Variants in LIMK2 observed in about 807,000 individuals in gnomAD.
LIMK2 encodes the protein LIM domain kinase 2.
LIMK2 carries 35 observed loss-of-function variants against 75.7 expected under a neutral mutation model. The ratio of observed to expected loss-of-function variants is 0.46; its 90% CI spans 0.35 to 0.61. The LOEUF is 0.61. LIMK2 is among the 20% of genes least tolerant of loss of function. The pLI, the probability that LIMK2 is intolerant of heterozygous loss-of-function variation, is 0.00. For synonymous variants in LIMK2, 301 were observed against 319.2 expected (o/e 0.94, Z 0.61); for missense variants, 623 against 831.0 (o/e 0.75, Z 3.08).
intron 2 of LIMK2, among the ~76,000 whole-genome samples, chr22:31,244,391 C>G (rs2048648528): frequency 6.6e-6 from 1 of 152,154 alleles, no homozygotes; most frequent in Admixed American, 6.5e-5. Flanking sequence ...TACAGGGGAA[C>G]ATAATAGATT....
At position 31,266,092 on chromosome 22, in the gene LIMK2, G is replaced by C; in HGVS notation, c.1001G>C (p.Gly334Ala). Residue 334 changes from glycine (G) to alanine (A), a missense_variant, in exon 8 of 16, where the codon GGG becomes GCG. Physicochemically the swap from Gly to Ala is moderately conservative, Grantham distance 60 (BLOSUM62 0). This residue lies in a region of LIMK2 where 514 missense variants were observed against 661.3 expected (regional missense o/e 0.78). Coordinates refer to ENST00000331728, the MANE Select transcript of LIMK2 (RefSeq NM_005569.4). ...QIFRPCDLIH[G>A]EVLGKGFFGQ... is the part of the protein sequence containing the mutation. ...TTCCGGCCCTGTGACCTAATCCATGGGGAGGTCCTGGGGAAGGGCTTCTTT... is the reference window on the plus strand; with the variant it reads ...TTCCGGCCCTGTGACCTAATCCATGCGGAGGTCCTGGGGAAGGGCTTCTTT... The C allele has an allele frequency of 6.2e-7, 1 of 1,614,194 alleles. No homozygotes were observed. Among genetic ancestry groups the C allele is most frequent in the Non-Finnish European group, 8.5e-7 (1 of 1,180,036 alleles).
At chr22:31,270,403 A>G (rs2048943653) in intron 11 of LIMK2, among the ~76,000 whole-genome samples, 2 of 152,186 alleles carry the variant, frequency 1.3e-5, no homozygotes, top group Admixed American at 1.3e-4. Flanking sequence ...GTCATGAGCT[A>G]TAGCGATTCA....
chr22:31,268,082 G>C, intron 10 of LIMK2, 62 bp from the exon 11 acceptor site: 2 of 1,557,166 alleles, frequency 1.3e-6, no homozygotes, highest in Non-Finnish European at 1.8e-6. Flanking sequence ...TTGACCCATG[G>C]GGCCTGGACC....
chr22:31,243,379 A>G (rs1784131524), intron 2 of LIMK2, among the ~76,000 whole-genome samples: 1 of 152,174 alleles, frequency 6.6e-6, no homozygotes, highest in Non-Finnish European at 1.5e-5. Flanking sequence ...CTCTTCCTTG[A>G]TTGGAGTCCT....
At chr22:31,277,046 T>C in intron 15 of LIMK2, 1 of 1,613,964 alleles carries the variant, frequency 6.2e-7, no homozygotes, top group Non-Finnish European at 8.5e-7. Context: ...AAGGAGCTGC[T>C]GGTTGACTGT....
At chr22:31,260,194 T>C (rs965856545) in intron 5 of LIMK2, 117 bp downstream of exon 5, 4 of 838,858 alleles carry the variant, frequency 4.8e-6, no homozygotes, top group Non-Finnish European at 7.0e-6. Context: ...ATCTCATATC[T>C]TTCTCCTGGA....
In LIMK2 at chr22:31,266,043, T is replaced by A. The variant is rs751598902; in HGVS notation, c.952T>A (p.Ser318Thr). 7 of 1,614,150 alleles carry A rather than the reference T, an allele frequency of 4.3e-6. No individual in the cohort carries two copies. In the South Asian group the frequency reaches 6.6e-5, roughly 15 times the overall value. Residue 318 changes from serine to threonine, a missense_variant, in exon 8 of 16, where the codon TCC becomes ACC. By Grantham distance (58) the Ser-to-Thr change is moderately conservative. Around this residue, in one of 3 missense-constraint regions of LIMK2, gnomAD observed 514 missense variants for 661.3 expected, o/e 0.78. Coordinates refer to ENST00000331728, the MANE Select transcript of LIMK2 (RefSeq NM_005569.4). The part of the protein sequence containing the change: ...DISRSESLRC[S>T]SSYSQQIFRP... ...CAGCCGCTCAGAATCCCTTCGTTGTTCCAGCAGCTATTCACAGCAGATCTT... is the reference window on the plus strand; with the variant it reads ...CAGCCGCTCAGAATCCCTTCGTTGTACCAGCAGCTATTCACAGCAGATCTT...
intron 14 of LIMK2, 84 bp from the exon 15 acceptor site, chr22:31,275,067 G>A: frequency 7.4e-7 from 1 of 1,345,654 alleles, no homozygotes. Context: ...CATTCTTCCT[G>A]TCCACATCCC....
chr22:31,251,966 A>G (rs530653368), intron 2 of LIMK2, among the ~76,000 whole-genome samples: 21 of 152,290 alleles, frequency 1.4e-4, no homozygotes, highest in Non-Finnish European at 2.6e-4. Flanking sequence ...CTGGCTGTTC[A>G]CTGGGAGGTT....
chr22:31,215,636 A>G (rs1191683916), intron 1 of LIMK2, among the ~76,000 whole-genome samples: 3 of 152,174 alleles, frequency 2.0e-5, no homozygotes, highest in African/African-American at 7.2e-5. Context: ...GTAAGCCCTT[A>G]ATAAGTATTT....
At chr22:31,247,126 G>A (rs1447561632) in intron 2 of LIMK2, among the ~76,000 whole-genome samples, 9 of 152,146 alleles carry the variant, frequency 5.9e-5, no homozygotes, top group East Asian at 3.9e-4. Flanking sequence ...GAAGCTGCAC[G>A]GTGACTTCTG....
intron 2 of LIMK2, among the ~76,000 whole-genome samples, chr22:31,250,022 T>C (rs1399531192): frequency 2.0e-5 from 3 of 152,188 alleles, no homozygotes; most frequent in Non-Finnish European, 4.4e-5. Flanking sequence ...TGACTTTCTC[T>C]CATCCTTCAG....
intron 15 of LIMK2, chr22:31,277,157 C>A: frequency 6.2e-7 from 1 of 1,613,296 alleles, no homozygotes; most frequent in Non-Finnish European, 8.5e-7. Context: ...CCGACCCAGG[C>A]GAACGGTGGC....
chr22:31,276,537 C>G (rs995416954), intron 15 of LIMK2, among the ~76,000 whole-genome samples: 3 of 146,598 alleles, frequency 2.0e-5, no homozygotes, highest in Non-Finnish European at 3.0e-5. Context: ...CCAGGCCAGG[C>G]CCGGGGGCTC....
intron 2 of LIMK2, among the ~76,000 whole-genome samples, chr22:31,249,526 A>C (rs1022942522): frequency 6.6e-6 from 1 of 151,422 alleles, no homozygotes; most frequent in African/African-American, 2.4e-5. Flanking sequence ...GCCCCACTCC[A>C]CCTCCCATAG....
At chr22:31,277,736 A>C (rs2049046411) in intron 15 of LIMK2, 1 of 165,220 alleles carries the variant, frequency 6.1e-6, no homozygotes, top group African/African-American at 2.4e-5. Flanking sequence ...AGATTCTAGC[A>C]TGGTATCTAC....
At chr22:31,248,619 C>T (rs771643472) in intron 2 of LIMK2, 29 of 1,611,702 alleles carry the variant, frequency 1.8e-5, no homozygotes, top group Middle Eastern at 1.6e-4. Flanking sequence ...CCAGAGGTGC[C>T]GGGAGCCCCG....
At chr22:31,260,162 A>C in intron 5 of LIMK2, 85 bp downstream of exon 5, 28 of 1,109,688 alleles carry the variant, frequency 2.5e-5, no homozygotes, top group Non-Finnish European at 3.0e-5. Context: ...CCAAAGTCTC[A>C]TGCAGAACTC....
chr22:31,252,798 T>C (rs901131241), intron 2 of LIMK2, among the ~76,000 whole-genome samples: 2 of 152,164 alleles, frequency 1.3e-5, no homozygotes, highest in African/African-American at 4.8e-5. Flanking sequence ...AATTTAATTC[T>C]CATAACCCCA....
Sources: gnomAD v4.1 joint callset for allele counts (sites outside exome capture counted in the v4.1 genomes callset) on GRCh38, gnomAD v4.1.1 for gene constraint, gnomAD v4.1.1 regional missense constraint, MANE v1.5 for transcripts, NCBI Gene and HGNC (gene_info 2026-07-23, HGNC 2026-07-21) for gene names.